EXD1: variants seen among roughly 807,000 people sequenced by gnomAD.
The protein encoded by EXD1 is piRNA biogenesis protein EXD1.
Under a neutral mutation model 49.1 loss-of-function variants are expected in EXD1, and 63 were observed. That is an observed-to-expected ratio of 1.28 (90% CI 1.05 to 1.58). EXD1 has a LOEUF of 1.58. EXD1 is among the 40% of genes most tolerant of loss of function. The pLI, the probability that EXD1 is intolerant of heterozygous loss-of-function variation, is 0.00. For missense variants in EXD1, 748 were observed against 666.0 expected (o/e 1.12, Z -1.36); for synonymous variants, 234 against 239.2 (o/e 0.98, Z 0.20).
Position 41,219,848 on chromosome 15 carries a change from C to A in EXD1, c.184G>T (p.Gly62Trp). ...RSVPGVKLFFGHEIVNVELLD... is the reference protein window; with the variant it reads ...RSVPGVKLFFWHEIVNVELLD... ...GTCTCACCATTCACAATCTCATGCC[C>A]AAAAAACAACTTCACTCCTGGGACA... is the stretch of plus-strand genomic sequence containing the variant. Residue 62 changes from glycine to tryptophan, a missense_variant, in exon 3 of 12, where the codon GGG becomes TGG. Gly to Trp is a radical substitution (Grantham distance 184). Coordinates refer to ENST00000458580, the MANE Select transcript of EXD1 (RefSeq NM_001286441.2). 6 of 1,535,576 alleles carry A rather than the reference C, an allele frequency of 3.9e-6. No homozygotes were observed. The highest frequency in any genetic ancestry group is 5.2e-6 in the Non-Finnish European group (6 of 1,146,684).
chr15:41,197,525 G>C (rs1296314532), intron 7 of EXD1, among the ~76,000 whole-genome samples: 1 of 151,070 alleles, frequency 6.6e-6, no homozygotes, highest in South Asian at 2.1e-4. Context: ...CACCACGCCC[G>C]GCCAATGATA....
intron 7 of EXD1, among the ~76,000 whole-genome samples, chr15:41,196,262 T>G (rs2046611750): frequency 6.6e-6 from 1 of 151,480 alleles, no homozygotes; most frequent in African/African-American, 2.4e-5. Flanking sequence ...TTCTCCTGCC[T>G]CGGCCTCCTG....
At chr15:41,200,431 G>C (rs1381658157) in intron 7 of EXD1, among the ~76,000 whole-genome samples, 1 of 152,164 alleles carries the variant, frequency 6.6e-6, no homozygotes, top group African/African-American at 2.4e-5. Flanking sequence ...GCTGAGACAG[G>C]AGAACTGCTT....
rs1045884373 is a variant in EXD1, at chr15:41,206,039, G to C, written c.534+3462C>G. ...GAATTCTGTCTTAGTAAAAAATTGTGACATAACTAAGTTGGAAAGACCTAG... is the reference window on the plus strand; with the variant it reads ...GAATTCTGTCTTAGTAAAAAATTGTCACATAACTAAGTTGGAAAGACCTAG... On this transcript the variant is annotated intron_variant, in intron 7 of 11. Coordinates refer to ENST00000458580, the MANE Select transcript of EXD1 (RefSeq NM_001286441.2). 2.6e-5 allele frequency among the ~76,000 whole-genome samples: 4 copies of C among 151,848 alleles called. No homozygotes were observed. In the East Asian group the frequency reaches 7.7e-4, roughly 29 times the overall value.
intron 2 of EXD1, among the ~76,000 whole-genome samples, chr15:41,224,009 T>C (rs1015044279): frequency 6.6e-6 from 1 of 151,992 alleles, no homozygotes; most frequent in African/African-American, 2.4e-5. Flanking sequence ...TTAGACTAAG[T>C]TCTCACTGCA....
intron 6 of EXD1, among the ~76,000 whole-genome samples, chr15:41,211,572 T>C (rs1399265043): frequency 6.6e-6 from 1 of 152,026 alleles, no homozygotes; most frequent in East Asian, 1.9e-4. Context: ...CCTGTATTCC[T>C]AGCAGTGAAG....
chr15:41,206,712 C>A (rs1225844379), intron 7 of EXD1, among the ~76,000 whole-genome samples: 2 of 144,314 alleles, frequency 1.4e-5, no homozygotes, highest in African/African-American at 5.0e-5. Context: ...ACCTCCTCCT[C>A]CCAGGTCCAA....
chr15:41,220,093 A>G (rs1221782594), intron 2 of EXD1, among the ~76,000 whole-genome samples, 195 bp from the exon 3 acceptor site: 2 of 152,110 alleles, frequency 1.3e-5, no homozygotes, highest in East Asian at 1.9e-4. Flanking sequence ...AACAAGTAGT[A>G]TAAAAAAACA....
At chr15:41,220,416 A>T (rs2047070228) in intron 2 of EXD1, among the ~76,000 whole-genome samples, 1 of 152,024 alleles carries the variant, frequency 6.6e-6, no homozygotes, top group Non-Finnish European at 1.5e-5. Context: ...GACTACAGGC[A>T]CGAGCCACCA....
At chr15:41,217,295 G>A in intron 3 of EXD1, 141 bp from the exon 4 acceptor site, 1 of 659,410 alleles carries the variant, frequency 1.5e-6, no homozygotes, top group Non-Finnish European at 2.6e-6. Flanking sequence ...GGCTTTTACT[G>A]GCCAGCAATA....
intron 3 of EXD1, chr15:41,219,613 G>A (rs534839933): frequency 3.1e-5 from 13 of 418,212 alleles, no homozygotes; most frequent in East Asian, 1.1e-4. Flanking sequence ...GTCCGAGTCC[G>A]TAGTGATAAG....
At chr15:41,209,249 C>T (rs191450975) in intron 7 of EXD1, among the ~76,000 whole-genome samples, 8 of 152,116 alleles carry the variant, frequency 5.3e-5, no homozygotes, top group African/African-American at 1.7e-4. Flanking sequence ...CACAGCAAGA[C>T]CCCATCTCAA....
In EXD1 at chr15:41,209,579, A is replaced by G. The variant is rs959400453; in HGVS notation, c.456T>C (p.His152=). 4.3e-6 allele frequency: 7 copies of G among 1,614,062 alleles called. No individual in the cohort carries two copies. Among genetic ancestry groups the G allele is most frequent in the Non-Finnish European group, 5.9e-6 (7 of 1,179,976 alleles). ...CACTCAGGACATTCTGCTTCTTGAT[A>G]TGGAGTATCTGGTAAGAAAAAGAAG... ...FQQKFGAAIL[H]IKKQNVLSVA... is the part of the protein sequence containing the mutation. Residue 152 remains histidine (H), a synonymous_variant, in exon 7 of 12, where the codon CAT becomes CAC. Transcript: ENST00000458580.
chr15:41,218,142 C>T lies in EXD1; in HGVS notation c.203-988G>A, dbSNP rs548267124. Among the ~76,000 whole-genome samples the T allele has an allele frequency of 8.7e-4, 133 of 152,088 alleles. 1 individual carries two copies. Among genetic ancestry groups the T allele is most frequent in the African/African-American group, 3.1e-3 (127 of 41,506 alleles). On this transcript the variant is annotated intron_variant, in intron 3 of 11. Coordinates refer to ENST00000458580, the MANE Select transcript of EXD1 (RefSeq NM_001286441.2). ...GGCAGATCACCTGAGGTCAGGAGTTCGAGACCAGCCTGGCCAACATGGCGA... is the reference window on the plus strand; with the variant it reads ...GGCAGATCACCTGAGGTCAGGAGTTTGAGACCAGCCTGGCCAACATGGCGA...
At chr15:41,220,496 G>A (rs1008069885) in intron 2 of EXD1, among the ~76,000 whole-genome samples, 1 of 152,114 alleles carries the variant, frequency 6.6e-6, no homozygotes, top group African/African-American at 2.4e-5. Flanking sequence ...CTGACCTTGT[G>A]ATCCGCTTGC....
At chr15:41,193,745 C>CAA (rs34072752) in intron 9 of EXD1, among the ~76,000 whole-genome samples, 57 of 140,202 alleles carry the variant, frequency 4.1e-4, no homozygotes, top group Admixed American at 1.2e-3. Context: ...GACCTTGTCT[C>CAA]AAAAAAAAAA....
chr15:41,203,997 G>C (rs372323396), intron 7 of EXD1, among the ~76,000 whole-genome samples: 2 of 144,032 alleles, frequency 1.4e-5, no homozygotes, highest in Non-Finnish European at 3.0e-5. Flanking sequence ...TGTAATCCCA[G>C]CACTTTGGGA....
rs1207180235 is a variant in EXD1 at position 41,184,307 on chromosome 15, G to A, written c.1343C>T (p.Thr448Ile). Reference protein sequence around the residue: ...LKEESLNKQATNPQHLPPTEE... With the variant: ...LKEESLNKQAINPQHLPPTEE... ...TGTGGGAGGTAGATGTTGAGGATTT[G>A]TAGCTTGTTTATTCAAAGATTCTTC... Residue 448 changes from threonine (T) to isoleucine (I), a missense_variant, in exon 12 of 12, where the codon ACA becomes ATA. Thr to Ile is a moderately conservative substitution (Grantham distance 89, BLOSUM62 -1). Transcript: ENST00000458580. 6.2e-7 allele frequency: 1 copy of A among 1,614,168 alleles called. No individual in the cohort carries two copies. Among genetic ancestry groups the A allele is most frequent in the Admixed American group, 1.7e-5 (1 of 60,010 alleles).
chr15:41,197,876 T>C (rs564505789), intron 7 of EXD1, among the ~76,000 whole-genome samples: 1 of 152,146 alleles, frequency 6.6e-6, no homozygotes, highest in Admixed American at 6.6e-5. Flanking sequence ...TCCACCCACG[T>C]TGGCCTCCCA....
Sources: gnomAD v4.1 joint callset for allele counts (sites outside exome capture counted in the v4.1 genomes callset) on GRCh38, gnomAD v4.1.1 for gene constraint, MANE v1.5 for transcripts, NCBI Gene and HGNC (gene_info 2026-07-23, HGNC 2026-07-21) for gene names.